MAD1L1: variants seen among roughly 807,000 people sequenced by gnomAD.
MAD1L1 encodes the protein mitotic spindle assembly checkpoint protein MAD1.
Under a neutral mutation model 96.9 loss-of-function variants are expected in MAD1L1, and 95 were observed. That is an observed-to-expected ratio of 0.98 (90% CI 0.83 to 1.16). The LOEUF (loss-of-function observed/expected upper bound fraction) is 1.16. Ranked by LOEUF, MAD1L1 falls within the 50% of genes most tolerant of loss-of-function variation. The pLI is 0.00. For missense variants in MAD1L1, 1,007 were observed against 954.4 expected (o/e 1.06, Z -0.73); for synonymous variants, 473 against 396.6 (o/e 1.19, Z -2.29).
At chr7:1,932,303 T>G (rs1789525718) in intron 17 of MAD1L1, among the ~76,000 whole-genome samples, 1 of 152,234 alleles carries the variant, frequency 6.6e-6, no homozygotes, top group Admixed American at 6.5e-5. Flanking sequence ...GCCTGAGGCC[T>G]CCTTCTCTGC....
At chr7:2,000,257 C>T (rs564463763) in intron 14 of MAD1L1, among the ~76,000 whole-genome samples, 6 of 152,214 alleles carry the variant, frequency 3.9e-5, no homozygotes, top group African/African-American at 7.2e-5. Context: ...TTCAACGCAG[C>T]GGACTCGGAC....
chr7:1,943,018 C>T (rs1422779895), intron 16 of MAD1L1, among the ~76,000 whole-genome samples: 2 of 152,096 alleles, frequency 1.3e-5, no homozygotes, highest in South Asian at 2.1e-4. Flanking sequence ...TAAGACCTTT[C>T]GATAGGGAAA....
intron 10 of MAD1L1, among the ~76,000 whole-genome samples, chr7:2,207,273 A>G (rs1792648115): frequency 6.6e-6 from 1 of 152,146 alleles, no homozygotes; most frequent in South Asian, 2.1e-4. Context: ...CCTGACATAC[A>G]TGCAGCTCCT....
chr7:2,004,362 G>C (rs752123050), intron 13 of MAD1L1, among the ~76,000 whole-genome samples: 4 of 152,242 alleles, frequency 2.6e-5, no homozygotes, highest in African/African-American at 7.2e-5. Context: ...CACTGTCCTG[G>C]GCACACAGGC....
chr7:2,170,110 C>T (rs1037849855), intron 10 of MAD1L1, among the ~76,000 whole-genome samples: 1 of 152,234 alleles, frequency 6.6e-6, no homozygotes, highest in Non-Finnish European at 1.5e-5. Flanking sequence ...GCTACTGCAA[C>T]CACAACCAAC....
chr7:1,957,787 G>C, intron 15 of MAD1L1, 68 bp from the exon 16 acceptor site: 1 of 1,453,390 alleles, frequency 6.9e-7, no homozygotes, highest in African/African-American at 1.4e-5. Flanking sequence ...CCACCCTCTG[G>C]GTGATAAGGA....
chr7:1,825,007 A>AATC (rs35480811), intron 18 of MAD1L1, among the ~76,000 whole-genome samples: 63,289 of 151,570 alleles, frequency 0.42, 13,341 homozygotes, highest in Non-Finnish European at 0.45. Context: ...ACTCTTAGAA[A>AATC]ATCAAAATGT....
chr7:1,983,116 G>GCA (rs1189698679), intron 14 of MAD1L1, among the ~76,000 whole-genome samples: 1 of 149,856 alleles, frequency 6.7e-6, no homozygotes, highest in African/African-American at 2.5e-5. Context: ...GTGCACACAC[G>GCA]CACACACACC....
At chr7:2,130,441 C>A (rs1788458209) in intron 11 of MAD1L1, among the ~76,000 whole-genome samples, 1 of 152,170 alleles carries the variant, frequency 6.6e-6, no homozygotes, top group Non-Finnish European at 1.5e-5. Context: ...AATTGAGAGG[C>A]CAGAGCTTAA....
At chr7:1,952,522 T>C (rs975514841) in intron 16 of MAD1L1, among the ~76,000 whole-genome samples, 1 of 152,110 alleles carries the variant, frequency 6.6e-6, no homozygotes, top group East Asian at 1.9e-4. Flanking sequence ...GCCCAGAACA[T>C]CCGGGCTGTG....
chr7:2,069,453 G>A, intron 11 of MAD1L1, 115 bp from the exon 12 acceptor site: 1 of 1,015,790 alleles, frequency 9.8e-7, no homozygotes, highest in Non-Finnish European at 1.4e-6. Flanking sequence ...AGCTGCACGT[G>A]CAACCCCCTC....
At chr7:2,102,196 CCACCGT>C (rs1254103933) in intron 11 of MAD1L1, among the ~76,000 whole-genome samples, 2 of 103,676 alleles carry the variant, frequency 1.9e-5, no homozygotes, top group Non-Finnish European at 4.6e-5. Context: ...ACCACCATCA[CCACCGT>C]CACCGTCACC....
intron 11 of MAD1L1, among the ~76,000 whole-genome samples, chr7:2,129,960 G>A (rs985469927): frequency 1.3e-5 from 2 of 152,192 alleles, no homozygotes; most frequent in South Asian, 2.1e-4. Context: ...TGTCCTTCTG[G>A]GGCCCAGCAG....
At chr7:2,047,521 C>T (rs1191620922) in intron 12 of MAD1L1, among the ~76,000 whole-genome samples, 1 of 152,238 alleles carries the variant, frequency 6.6e-6, no homozygotes, top group East Asian at 1.9e-4. Context: ...TCTGTAAATA[C>T]AGATCCTGCT....
At chr7:1,951,442 C>CA (rs1448460381) in intron 16 of MAD1L1, among the ~76,000 whole-genome samples, 1 of 152,200 alleles carries the variant, frequency 6.6e-6, no homozygotes, top group Admixed American at 6.5e-5. Context: ...ACGCACGTGA[C>CA]AGGAAGCTGA....
At chr7:2,111,551 T>C (rs1463986803) in intron 11 of MAD1L1, among the ~76,000 whole-genome samples, 1 of 152,048 alleles carries the variant, frequency 6.6e-6, no homozygotes, top group Admixed American at 6.5e-5. Context: ...TCCCGATACG[T>C]GGGAAATCAG....
chr7:2,057,142 G>A (rs1315149307), intron 12 of MAD1L1, among the ~76,000 whole-genome samples: 4 of 152,224 alleles, frequency 2.6e-5, no homozygotes, highest in African/African-American at 9.6e-5. Flanking sequence ...CACCTAGAGA[G>A]GGGCCCTTGA....
intron 10 of MAD1L1, among the ~76,000 whole-genome samples, chr7:2,172,743 G>T (rs1790766106): frequency 6.6e-6 from 1 of 152,232 alleles, no homozygotes; most frequent in South Asian, 2.1e-4. Context: ...GCCCTAACCA[G>T]CTGAGAACCC....
At chr7:2,008,791 T>C (rs1782154971) in intron 13 of MAD1L1, among the ~76,000 whole-genome samples, 1 of 109,440 alleles carries the variant, frequency 9.1e-6, no homozygotes. Context: ...GGAACACGGC[T>C]CCATCCCAAA....
Sources: allele counts gnomAD v4.1 joint callset (sites outside exome capture counted in the v4.1 genomes callset), GRCh38; gene constraint gnomAD v4.1.1; transcripts MANE v1.5; gene names NCBI Gene and HGNC (gene_info 2026-07-23, HGNC 2026-07-21).